SLC16A10: variants seen among roughly 807,000 people sequenced by gnomAD.
The protein encoded by SLC16A10 is solute carrier family 16 member 10, also known as monocarboxylate transporter 10.
Under a neutral mutation model 40.0 loss-of-function variants are expected in SLC16A10, and 27 were observed. The ratio of observed to expected loss-of-function variants is 0.67; its 90% confidence interval spans 0.50 to 0.93. The LOEUF (loss-of-function observed/expected upper bound fraction) is 0.93, where lower values mean the gene tolerates loss of function less well. SLC16A10 is among the 40% of genes least tolerant of loss of function. The pLI is 0.00. For missense variants in SLC16A10, 529 were observed against 658.2 expected (o/e 0.80, Z 2.15); for synonymous variants, 213 against 249.8 (o/e 0.85, Z 1.39).
intron 1 of SLC16A10, among the ~76,000 whole-genome samples, chr6:111,098,257 G>C (rs1771111155): frequency 6.6e-6 from 1 of 152,036 alleles, no homozygotes; most frequent in African/African-American, 2.4e-5. Context: ...AATGAGCCAA[G>C]ATCATGCCAT....
intron 1 of SLC16A10, among the ~76,000 whole-genome samples, chr6:111,117,680 A>G (rs1367482411): frequency 6.6e-6 from 1 of 152,194 alleles, no homozygotes; most frequent in Non-Finnish European, 1.5e-5. Context: ...AACCCCACAG[A>G]TCCTGTAATT....
intron 1 of SLC16A10, among the ~76,000 whole-genome samples, chr6:111,160,851 T>A (rs1341906138): frequency 6.6e-6 from 1 of 151,948 alleles, no homozygotes; most frequent in Non-Finnish European, 1.5e-5. Context: ...ACAGATTGGT[T>A]TGTGAGTATG....
At chr6:111,189,382 C>T (rs573546585) in intron 3 of SLC16A10, among the ~76,000 whole-genome samples, 2 of 152,150 alleles carry the variant, frequency 1.3e-5, no homozygotes, top group African/African-American at 4.8e-5. Context: ...CAGAATTTCT[C>T]AAGTCTCTAA....
intron 1 of SLC16A10, among the ~76,000 whole-genome samples, chr6:111,148,446 T>C (rs916006814): frequency 2.0e-5 from 3 of 152,248 alleles, no homozygotes; most frequent in Non-Finnish European, 4.4e-5. Context: ...CTTTGTTTAA[T>C]TGGTACTTAG....
At chr6:111,177,945 A>G (rs1208873804) in intron 3 of SLC16A10, among the ~76,000 whole-genome samples, 3 of 152,174 alleles carry the variant, frequency 2.0e-5, no homozygotes, top group Admixed American at 6.5e-5. Flanking sequence ...AAGCTGAGGC[A>G]GGAGGATCAC....
rs548809670 is a variant in SLC16A10 at position 111,159,067 on chromosome 6, C to CAAAAAA, written c.344-13604_344-13599dup. ...TAGGTGGCAAAGCAAGACCCTGACTCAAAAAAAAAAAAAAAAAAAAAAAAA... is the reference window on the plus strand; with the variant it reads ...TAGGTGGCAAAGCAAGACCCTGACTCAAAAAAAAAAAAAAAAAAAAAAAAAAAAAAA... On this transcript the variant is annotated intron_variant, in intron 1 of 5. Transcript: ENST00000368851. Among the ~76,000 whole-genome samples the CAAAAAA allele has an allele frequency of 7.4e-3, 173 of 23,370 alleles. 10 individuals carry two copies. Among genetic ancestry groups the CAAAAAA allele is most frequent in the Middle Eastern group, 0.033 (1 of 30 alleles). 15.3% of individuals were successfully genotyped at this position (23,370 alleles called of 152,430 possible).
chr6:111,088,689 A>C (rs1260585828), intron 1 of SLC16A10, among the ~76,000 whole-genome samples: 2 of 152,070 alleles, frequency 1.3e-5, no homozygotes, highest in African/African-American at 2.4e-5. Context: ...AATGTAGAAA[A>C]CACGGGAGGC....
intron 1 of SLC16A10, among the ~76,000 whole-genome samples, chr6:111,158,244 A>G (rs1032171250): frequency 6.6e-6 from 1 of 152,076 alleles, no homozygotes; most frequent in Non-Finnish European, 1.5e-5. Flanking sequence ...ATTTATTTTT[A>G]TTACTTTTCT....
At chr6:111,171,197 TGATTG>T (rs1772579548) in intron 1 of SLC16A10, among the ~76,000 whole-genome samples, 1 of 152,226 alleles carries the variant, frequency 6.6e-6, no homozygotes. Flanking sequence ...CTGCATGTCT[TGATTG>T]GATTGTGCTA....
At chr6:111,161,498 G>A (rs866999079) in intron 1 of SLC16A10, among the ~76,000 whole-genome samples, 29 of 152,190 alleles carry the variant, frequency 1.9e-4, no homozygotes, top group Middle Eastern at 3.4e-3. Flanking sequence ...ACTGCCATTA[G>A]AATAGGGATG....
intron 1 of SLC16A10, among the ~76,000 whole-genome samples, chr6:111,111,171 A>G (rs1056838055): frequency 2.6e-5 from 4 of 152,186 alleles, no homozygotes; most frequent in Non-Finnish European, 5.9e-5. Flanking sequence ...CAAAAGGGCA[A>G]ATTTTATGCT....
rs367690905 is a variant in SLC16A10 at position 111,088,112 on chromosome 6, G to T, written c.343+17G>T. ...TTAAGACAGGTGAGGCGCGGCGCCC[G>T]CCGAGGCCAGCCTGGGCGACCCGCG... On this transcript the variant is annotated intron_variant, in intron 1 of 5. Transcript: ENST00000368851. The T allele has an allele frequency of 8.9e-5, 142 of 1,588,540 alleles. No individual in the cohort carries two copies. Among genetic ancestry groups the T allele is most frequent in the Non-Finnish European group, 1.2e-4 (137 of 1,169,350 alleles).
At chr6:111,198,038 G>A (rs1773108382) in intron 3 of SLC16A10, among the ~76,000 whole-genome samples, 1 of 152,162 alleles carries the variant, frequency 6.6e-6, no homozygotes, top group African/African-American at 2.4e-5. Flanking sequence ...TGTAATCGCA[G>A]CACTTTGAGA....
At position 111,230,845 on chromosome 6, in the gene SLC16A10, C is replaced by T. The variant is rs1771104131; in HGVS notation, c.*8610C>T. Reference sequence around the variant, plus strand: ...AGAAAAACACACTTTATCTTAGACACCAAAGCCAAATTATTCCAAGTGTAT... The same window carrying T: ...AGAAAAACACACTTTATCTTAGACATCAAAGCCAAATTATTCCAAGTGTAT... On this transcript the variant is annotated 3_prime_UTR_variant, in exon 6 of 6. Coordinates refer to ENST00000368851, the MANE Select transcript of SLC16A10 (RefSeq NM_018593.5). 6.6e-6 allele frequency: 1 copy of T among 152,062 alleles called. No individual in the cohort carries two copies. The highest frequency in any genetic ancestry group is 2.1e-4 in the South Asian group (1 of 4,818). The allele number at this position is 152,062 out of a possible 1,614,324, so 9.4% of individuals were successfully genotyped here. A position where few individuals can be genotyped will look rare whatever the true frequency, so the allele number is the denominator to read the frequency against.
Position 111,222,411 on chromosome 6 carries a change from T to G in SLC16A10, c.*176T>G. Reference sequence around the variant, plus strand: ...ACCATTTTCTGCCACTAAATATCTCTGATGTTTCCATGAGTCTGAGGGCAG... The same window carrying G: ...ACCATTTTCTGCCACTAAATATCTCGGATGTTTCCATGAGTCTGAGGGCAG... On this transcript the variant is annotated 3_prime_UTR_variant, in exon 6 of 6. Transcript: ENST00000368851. 1.1e-5 allele frequency: 8 copies of G among 716,084 alleles called. No individual in the cohort carries two copies. The highest frequency in any genetic ancestry group is 1.7e-5 in the Non-Finnish European group (8 of 480,454). The allele number at this position is 716,084 out of a possible 1,614,324, so 44.4% of individuals were successfully genotyped here.
chr6:111,204,305 T>C (rs972599703), intron 3 of SLC16A10, among the ~76,000 whole-genome samples: 2 of 152,108 alleles, frequency 1.3e-5, no homozygotes, highest in Non-Finnish European at 2.9e-5. Context: ...CCATGGGTAG[T>C]TGGGCTAACA....
chr6:111,160,999 G>T (rs914593115), intron 1 of SLC16A10, among the ~76,000 whole-genome samples: 1 of 152,060 alleles, frequency 6.6e-6, no homozygotes, highest in Non-Finnish European at 1.5e-5. Context: ...AAGGCAGGTG[G>T]ATCACCTGAG....
intron 1 of SLC16A10, among the ~76,000 whole-genome samples, chr6:111,126,058 G>A (rs2114481403): frequency 6.7e-6 from 1 of 150,072 alleles, no homozygotes; most frequent in African/African-American, 2.4e-5. Context: ...TATGGTATAT[G>A]TTTATATCTG....
rs4038340 is a variant in SLC16A10 at position 111,229,990 on chromosome 6, C to CTTTTTTTTTTTTTTTTTTTTTTTTTTT, written c.*7773_*7774insTTTTTTTTTTTTTTTTTTTTTTTTTTT. 55 of 85,382 alleles carry CTTTTTTTTTTTTTTTTTTTTTTTTTTT rather than the reference C, an allele frequency of 6.4e-4. No homozygotes were observed. The highest frequency in any genetic ancestry group is 7.3e-4 in the Admixed American group (4 of 5,506). The allele number at this position is 85,382 out of a possible 1,614,324, so 5.3% of individuals were successfully genotyped here. ...CAGGTTTCTTTTTCTTTCTTTGTTTCTTTTTTTTTTTTTTTTTTGAGATGG... is the reference window on the plus strand; with the variant it reads ...CAGGTTTCTTTTTCTTTCTTTGTTTCTTTTTTTTTTTTTTTTTTTTTTTTTTTTTTTTTTTTTTTTTTTTTGAGATGG... On this transcript the variant is annotated 3_prime_UTR_variant, in exon 6 of 6. Transcript: ENST00000368851.
Sources: allele counts gnomAD v4.1 joint callset (sites outside exome capture counted in the v4.1 genomes callset), GRCh38; gene constraint gnomAD v4.1.1; transcripts MANE v1.5; gene names NCBI Gene and HGNC (gene_info 2026-07-23, HGNC 2026-07-21).